Variants in SHC3 observed in about 807,000 individuals in gnomAD.
SHC3 encodes the protein SHC-transforming protein 3.
Under a neutral mutation model 60.4 loss-of-function variants are expected in SHC3, and 15 were observed. The observed-to-expected ratio is 0.25, with a 90% CI of 0.17 to 0.38. The LOEUF is 0.38. SHC3 is among the 10% of genes least tolerant of loss of function. SHC3 has a pLI of 1.00. For missense variants in SHC3, 677 were observed against 786.1 expected, an observed-to-expected ratio of 0.86 and a Z score of 1.66; for synonymous variants, 294 against 325.9, an observed-to-expected ratio of 0.90 and a Z score of 1.05.
At chr9:89,143,753 T>A (rs1422741921) in intron 1 of SHC3, among the ~76,000 whole-genome samples, 2 of 152,190 alleles carry the variant, frequency 1.3e-5, no homozygotes, top group East Asian at 3.9e-4. Flanking sequence ...TTGATCTTGC[T>A]ATTGCCTGTT....
chr9:89,104,171 G>GAA (rs111729398), intron 2 of SHC3, among the ~76,000 whole-genome samples: 3 of 148,522 alleles, frequency 2.0e-5, no homozygotes, highest in African/African-American at 7.4e-5. Flanking sequence ...GGGATCAATT[G>GAA]AAAAAAAAAA....
chr9:89,123,276 A>C (rs1368754398), intron 1 of SHC3, among the ~76,000 whole-genome samples: 5 of 152,224 alleles, frequency 3.3e-5, no homozygotes, highest in South Asian at 2.1e-4. Context: ...AAAACTAAAA[A>C]TATTTTCCAC....
intron 9 of SHC3, among the ~76,000 whole-genome samples, chr9:89,045,223 G>A (rs9410305): frequency 0.41 from 61,493 of 151,534 alleles, 14,232 homozygotes; most frequent in East Asian, 0.97. Flanking sequence ...GAATGGTCCT[G>A]GAGCTGCAGG....
intron 6 of SHC3, among the ~76,000 whole-genome samples, chr9:89,058,993 C>T (rs1468838769): frequency 4.4e-5 from 6 of 136,762 alleles, no homozygotes; most frequent in African/African-American, 8.4e-5. Context: ...TGGTGGAGGA[C>T]GGTGGTGTAG....
chr9:89,081,932 G>T (rs1482362012), intron 2 of SHC3, among the ~76,000 whole-genome samples: 1 of 152,100 alleles, frequency 6.6e-6, no homozygotes, highest in Non-Finnish European at 1.5e-5. Context: ...GACTGCAGGG[G>T]GTGGATACAG....
intron 2 of SHC3, among the ~76,000 whole-genome samples, chr9:89,106,757 G>A (rs186829427): frequency 6.6e-6 from 1 of 152,302 alleles, no homozygotes; most frequent in African/African-American, 2.4e-5. Flanking sequence ...GAATGCAACT[G>A]AAGATACCTT....
At chr9:89,070,866 A>T (rs1331610962) in intron 5 of SHC3, among the ~76,000 whole-genome samples, 1 of 152,194 alleles carries the variant, frequency 6.6e-6, no homozygotes, top group African/African-American at 2.4e-5. Context: ...AAAAACAAAA[A>T]GTAGGGCAAG....
chr9:89,114,679 A>T (rs1825997483), intron 1 of SHC3, among the ~76,000 whole-genome samples: 2 of 152,134 alleles, frequency 1.3e-5, no homozygotes, highest in Admixed American at 6.6e-5. Flanking sequence ...ATTTATATAA[A>T]TAACATGACT....
intron 1 of SHC3, among the ~76,000 whole-genome samples, chr9:89,128,077 A>T (rs1072918): frequency 0.013 from 2,033 of 152,236 alleles, 20 homozygotes; most frequent in South Asian, 0.034. Flanking sequence ...TCTACATATG[A>T]AAGGGCTTTG....
intron 1 of SHC3, among the ~76,000 whole-genome samples, chr9:89,120,748 T>C (rs1826080610): frequency 6.6e-6 from 1 of 152,062 alleles, no homozygotes; most frequent in African/African-American, 2.4e-5. Context: ...GAGTTTAGAG[T>C]CTGGGCCATA....
chr9:89,052,315 A>G (rs1022694088), intron 6 of SHC3, 152 bp from the exon 7 acceptor site: 3 of 892,306 alleles, frequency 3.4e-6, no homozygotes, highest in Non-Finnish European at 4.9e-6. Flanking sequence ...CTTTATCTCC[A>G]GGTAGGGAAT....
At chr9:89,023,560 G>A (rs1173689632) in intron 11 of SHC3, among the ~76,000 whole-genome samples, 3 of 152,160 alleles carry the variant, frequency 2.0e-5, no homozygotes, top group Non-Finnish European at 4.4e-5. Flanking sequence ...CTTGGCTTGG[G>A]GGAGGTGGAA....
intron 1 of SHC3, among the ~76,000 whole-genome samples, chr9:89,121,491 T>C (rs756763819): frequency 3.3e-5 from 5 of 152,176 alleles, no homozygotes; most frequent in Non-Finnish European, 7.3e-5. Flanking sequence ...GGTTTCTCCA[T>C]GTTGGTCAGG....
At chr9:89,035,562 C>A (rs762564800) in intron 11 of SHC3, among the ~76,000 whole-genome samples, 1 of 152,000 alleles carries the variant, frequency 6.6e-6, no homozygotes, top group Non-Finnish European at 1.5e-5. Flanking sequence ...ATGCAAGGAA[C>A]TTAGTATGTT....
chr9:89,023,634 T>G (rs1443412976), intron 11 of SHC3, among the ~76,000 whole-genome samples: 2 of 152,216 alleles, frequency 1.3e-5, no homozygotes, highest in Non-Finnish European at 2.9e-5. Context: ...CAGTAGAAAT[T>G]AATTTTTCAA....
At chr9:89,078,862 G>A (rs543777744) in intron 2 of SHC3, among the ~76,000 whole-genome samples, 4 of 152,170 alleles carry the variant, frequency 2.6e-5, no homozygotes, top group Non-Finnish European at 4.4e-5. Flanking sequence ...TTGGAGACAC[G>A]GTGAACAAGA....
chr9:89,120,326 C>T (rs1826075232), intron 1 of SHC3, among the ~76,000 whole-genome samples: 1 of 152,026 alleles, frequency 6.6e-6, no homozygotes, highest in Non-Finnish European at 1.5e-5. Flanking sequence ...TTAAACAAAA[C>T]CTTTAATATC....
At chr9:89,150,231 G>A (rs1826526747) in intron 1 of SHC3, among the ~76,000 whole-genome samples, 1 of 152,110 alleles carries the variant, frequency 6.6e-6, no homozygotes. Flanking sequence ...CCCACTGGGG[G>A]TCTTGGAACA....
chr9:89,164,485 G>A (rs1198463406), intron 1 of SHC3, among the ~76,000 whole-genome samples: 2 of 152,054 alleles, frequency 1.3e-5, no homozygotes, highest in Admixed American at 1.3e-4. Flanking sequence ...TGGAGTATCG[G>A]GGGGTAGGGG....
Sources: gnomAD v4.1 joint callset for allele counts (sites outside exome capture counted in the v4.1 genomes callset) on GRCh38, gnomAD v4.1.1 for gene constraint, MANE v1.5 for transcripts, NCBI Gene and HGNC (gene_info 2026-07-23, HGNC 2026-07-21) for gene names.